COL8A1: variants seen among roughly 807,000 people sequenced by gnomAD.
The protein encoded by COL8A1 is collagen alpha-1(VIII) chain.
Under a neutral mutation model 42.7 loss-of-function variants are expected in COL8A1, and 21 were observed. The ratio of observed to expected loss-of-function variants is 0.49; its 90% confidence interval spans 0.35 to 0.71. The LOEUF (loss-of-function observed/expected upper bound fraction) is 0.71, where lower values mean the gene tolerates loss of function less well. COL8A1 is among the 30% of genes least tolerant of loss of function. COL8A1 has a pLI of 0.01. For missense variants in COL8A1, 788 were observed against 962.4 expected, an observed-to-expected ratio of 0.82 and a Z score of 2.40; for synonymous variants, 367 against 369.1, an observed-to-expected ratio of 0.99 and a Z score of 0.06.
At chr3:99,649,446 ACT>A (rs1367292609) in intron 1 of COL8A1, among the ~76,000 whole-genome samples, 1 of 151,956 alleles carries the variant, frequency 6.6e-6, no homozygotes, top group African/African-American at 2.4e-5. Flanking sequence ...TAATTGTGCT[ACT>A]CTCTGTCCCC....
chr3:99,731,297 T>C (rs1576452422), intron 1 of COL8A1, among the ~76,000 whole-genome samples: 1 of 151,996 alleles, frequency 6.6e-6, no homozygotes, highest in Non-Finnish European at 1.5e-5. Flanking sequence ...CAAGAGGAGA[T>C]TGAAATGGTG....
intron 1 of COL8A1, among the ~76,000 whole-genome samples, chr3:99,686,456 G>T (rs781059061): frequency 1.3e-5 from 2 of 152,162 alleles, no homozygotes; most frequent in Non-Finnish European, 2.9e-5. Context: ...TGGGGAGAGG[G>T]TCTTATGAAA....
intron 1 of COL8A1, among the ~76,000 whole-genome samples, chr3:99,733,610 C>T (rs558740721): frequency 3.7e-4 from 57 of 152,162 alleles, no homozygotes; most frequent in Middle Eastern, 3.4e-3. Flanking sequence ...AATAAACATA[C>T]GTGTGTATGT....
At chr3:99,727,833 C>T (rs1298952033) in intron 1 of COL8A1, among the ~76,000 whole-genome samples, 4 of 151,638 alleles carry the variant, frequency 2.6e-5, no homozygotes, top group Admixed American at 1.3e-4. Flanking sequence ...AAGGCTGGTT[C>T]AACATACACA....
chr3:99,685,831 T>C (rs1939032614), intron 1 of COL8A1, among the ~76,000 whole-genome samples: 1 of 152,236 alleles, frequency 6.6e-6, no homozygotes, highest in Non-Finnish European at 1.5e-5. Flanking sequence ...ATTAAATAAA[T>C]ATGAATATAA....
intron 2 of COL8A1, among the ~76,000 whole-genome samples, chr3:99,764,472 T>A (rs1431720306): frequency 6.6e-6 from 1 of 152,174 alleles, no homozygotes; most frequent in Non-Finnish European, 1.5e-5. Flanking sequence ...CCACGATCTA[T>A]TCAATATTCA....
At chr3:99,786,270 CAT>C (rs1041849508) in intron 2 of COL8A1, among the ~76,000 whole-genome samples, 7 of 152,130 alleles carry the variant, frequency 4.6e-5, no homozygotes, top group African/African-American at 1.2e-4. Context: ...TCCCCAAATT[CAT>C]ATGTTAAAAT....
chr3:99,707,973 C>T (rs888703045), intron 1 of COL8A1, among the ~76,000 whole-genome samples: 3 of 152,026 alleles, frequency 2.0e-5, no homozygotes, highest in African/African-American at 7.2e-5. Flanking sequence ...CACACAGCCA[C>T]TAAGTGGGAC....
In COL8A1 at chr3:99,794,667, C is replaced by T. The variant is rs757713757; in HGVS notation, c.766C>T (p.Pro256Ser). The T allele has an allele frequency of 1.2e-6, 2 of 1,613,638 alleles. No homozygotes were observed. The highest frequency in any genetic ancestry group is 1.7e-6 in the Non-Finnish European group (2 of 1,179,832). Residue 256 changes from proline (P) to serine (S), a missense_variant, in exon 4 of 4, where the codon CCT (proline) becomes TCT (serine). Physicochemically the swap from Pro to Ser is moderately conservative, Grantham distance 74. This residue lies in a region of COL8A1 where 421 missense variants were observed against 553.1 expected (regional missense o/e 0.76). Transcript: ENST00000652472. This position sits in a 1 kb window ranked among gnomAD's most constrained non-coding sequence, Gnocchi z 4.3. The stretch of plus-strand genomic sequence containing the variant: ...GCCAGGTGCGCCAGGTGTAAAGGGG[C>T]CTCCAGGGATGCACGGCCCTCCCGG... ...GMPGAPGVKG[P>S]PGMHGPPGPV...
rs190283147 is a variant in COL8A1 at position 99,793,943 on chromosome 3, G to A, written c.329-287G>A. On this transcript the variant is annotated intron_variant, in intron 3 of 3. Coordinates refer to ENST00000652472, the MANE Select transcript of COL8A1 (RefSeq NM_020351.4). ...ATTTTTGTATTTTTAGTAGAGACGC[G>A]GTTTCACTGTGTTGGCCAAGCTGGT... Among the ~76,000 whole-genome samples the A allele has an allele frequency of 3.2e-3, 494 of 152,158 alleles. 4 individuals are homozygous for A. Among genetic ancestry groups the A allele is most frequent in the African/African-American group, 0.011 (465 of 41,506 alleles).
intron 1 of COL8A1, among the ~76,000 whole-genome samples, chr3:99,688,048 T>C (rs35299440): frequency 0.097 from 14,722 of 152,266 alleles, 872 homozygotes; most frequent in Middle Eastern, 0.12. Context: ...CTCCCAAACA[T>C]TGGAATAAAA....
chr3:99,674,233 A>G (rs1452197343), intron 1 of COL8A1, among the ~76,000 whole-genome samples: 1 of 152,144 alleles, frequency 6.6e-6, no homozygotes, highest in Non-Finnish European at 1.5e-5. Flanking sequence ...TTGAGGTAAC[A>G]TAAGAACCTT....
At chr3:99,726,324 T>C (rs572015884) in intron 1 of COL8A1, among the ~76,000 whole-genome samples, 143 of 152,052 alleles carry the variant, frequency 9.4e-4, no homozygotes, top group Admixed American at 1.8e-3. Flanking sequence ...CTTTGTCATA[T>C]GAGTAGGTTG....
chr3:99,788,181 C>T (rs777278780), intron 2 of COL8A1, among the ~76,000 whole-genome samples: 5 of 152,092 alleles, frequency 3.3e-5, no homozygotes, highest in Non-Finnish European at 5.9e-5. Context: ...AAATTCTAAC[C>T]AGGGCCCTTA....
intron 1 of COL8A1, among the ~76,000 whole-genome samples, chr3:99,687,315 C>T (rs573867508): frequency 3.9e-5 from 6 of 152,308 alleles, no homozygotes; most frequent in African/African-American, 1.4e-4. Context: ...TCCTAATCTG[C>T]AAAATATTGA....
intron 1 of COL8A1, among the ~76,000 whole-genome samples, chr3:99,700,546 A>G (rs149192917): frequency 6.6e-6 from 1 of 152,094 alleles, no homozygotes; most frequent in African/African-American, 2.4e-5. Context: ...TTCATGTATC[A>G]TCTTTGTTAC....
intron 2 of COL8A1, among the ~76,000 whole-genome samples, chr3:99,747,687 A>G (rs56339461): frequency 0.1 from 15,947 of 152,298 alleles, 1,075 homozygotes; most frequent in Non-Finnish European, 0.16. Flanking sequence ...TTCTGAGTAT[A>G]TAAGTATATA....
intron 1 of COL8A1, among the ~76,000 whole-genome samples, chr3:99,671,347 G>GT (rs1413564826): frequency 6.6e-6 from 1 of 151,908 alleles, no homozygotes; most frequent in Non-Finnish European, 1.5e-5. Flanking sequence ...GTGTACATCA[G>GT]TTTTTTTAAC....
At chr3:99,684,886 G>T (rs17834371) in intron 1 of COL8A1, among the ~76,000 whole-genome samples, 6,735 of 152,244 alleles carry the variant, frequency 0.044, 263 homozygotes, top group South Asian at 0.13. Flanking sequence ...TAGCATGACT[G>T]AATTATCATC....
Sources: allele counts gnomAD v4.1 joint callset (sites outside exome capture counted in the v4.1 genomes callset), GRCh38; gene constraint gnomAD v4.1.1; regional missense constraint gnomAD v4.1.1; non-coding constraint Gnocchi (gnomAD v3.1); transcripts MANE v1.5; gene names NCBI Gene and HGNC (gene_info 2026-07-23, HGNC 2026-07-21).